SCUBE2: variants seen among roughly 807,000 people sequenced by gnomAD.
The protein encoded by SCUBE2 is signal peptide, CUB and EGF-like domain-containing protein 2.
In SCUBE2, 114 loss-of-function variants were observed where a neutral mutation model predicts 125.9. The observed-to-expected ratio is 0.91, with a 90% confidence interval of 0.78 to 1.06. The LOEUF is 1.06. SCUBE2 is among the 50% of genes least tolerant of loss of function. The pLI, the probability that SCUBE2 is intolerant of heterozygous loss-of-function variation, is 0.00. For missense variants in SCUBE2, 1,255 were observed against 1,301.8 expected (o/e 0.96, Z 0.55); for synonymous variants, 459 against 492.9 (o/e 0.93, Z 0.91).
chr11:9,029,066 G>T (rs946321258), intron 19 of SCUBE2, among the ~76,000 whole-genome samples: 1 of 152,012 alleles, frequency 6.6e-6, no homozygotes, highest in Non-Finnish European at 1.5e-5. Context: ...TTTAGGGGGG[G>T]CCTCCTTGCT....
intron 21 of SCUBE2, 90 bp downstream of exon 21, chr11:9,025,610 ATG>A (rs1478558727): frequency 1.4e-6 from 2 of 1,474,338 alleles, no homozygotes; most frequent in Non-Finnish European, 1.8e-6. Flanking sequence ...CTTTCTGAGC[ATG>A]TGTGCTTGTC....
intron 16 of SCUBE2, among the ~76,000 whole-genome samples, chr11:9,042,988 T>G (rs537641724): frequency 6.6e-6 from 1 of 152,314 alleles, no homozygotes; most frequent in South Asian, 2.1e-4. Flanking sequence ...CAGAGAGATC[T>G]TTCTAGAATA....
At chr11:9,082,735 T>C (rs1861744216) in intron 2 of SCUBE2, among the ~76,000 whole-genome samples, 1 of 152,220 alleles carries the variant, frequency 6.6e-6, no homozygotes, top group Non-Finnish European at 1.5e-5. Flanking sequence ...GACCGCATAT[T>C]GTATGATTCC....
intron 4 of SCUBE2, among the ~76,000 whole-genome samples, chr11:9,071,039 C>G (rs1407743764): frequency 1.3e-5 from 2 of 152,192 alleles, no homozygotes; most frequent in Non-Finnish European, 2.9e-5. Flanking sequence ...ATTTGCACCC[C>G]AGTACTGAGA....
chr11:9,042,311 A>T (rs1488117066), intron 16 of SCUBE2, among the ~76,000 whole-genome samples: 1 of 152,058 alleles, frequency 6.6e-6, no homozygotes, highest in South Asian at 2.1e-4. Context: ...CTTCGTCCCC[A>T]TGGCATGAAT....
chr11:9,089,670 C>T, intron 2 of SCUBE2, 37 bp downstream of exon 2: 1 of 1,607,226 alleles, frequency 6.2e-7, no homozygotes, highest in Non-Finnish European at 8.5e-7. Context: ...GTAGGAGCTT[C>T]CCTACAGTCC....
intron 16 of SCUBE2, among the ~76,000 whole-genome samples, chr11:9,046,046 G>A (rs1001035403): frequency 4.8e-5 from 6 of 125,678 alleles, no homozygotes; most frequent in African/African-American, 9.1e-5. Flanking sequence ...TTGCTCTGTC[G>A]CCCAGGCTGG....
intron 4 of SCUBE2, among the ~76,000 whole-genome samples, chr11:9,071,782 G>A (rs569846045): frequency 9.2e-5 from 14 of 152,298 alleles, no homozygotes; most frequent in African/African-American, 2.4e-4. Context: ...TGAAAGCACA[G>A]CCTCCACTTT....
At chr11:9,043,349 T>C (rs1857413592) in intron 16 of SCUBE2, among the ~76,000 whole-genome samples, 1 of 152,200 alleles carries the variant, frequency 6.6e-6, no homozygotes, top group Non-Finnish European at 1.5e-5. Flanking sequence ...TTAGCTGGTA[T>C]TATGAAAGTA....
intron 3 of SCUBE2, 46 bp downstream of exon 3, chr11:9,079,338 G>T (rs1441430038): frequency 6.2e-6 from 10 of 1,611,270 alleles, no homozygotes; most frequent in Non-Finnish European, 8.5e-6. Context: ...GAAAGAAAGG[G>T]GTGGGAGAGT....
intron 17 of SCUBE2, among the ~76,000 whole-genome samples, chr11:9,033,370 C>T (rs775256665): frequency 1.3e-5 from 2 of 152,192 alleles, no homozygotes; most frequent in South Asian, 2.1e-4. Flanking sequence ...GAAGAAAGCA[C>T]GCAGTTTCAA....
At chr11:9,045,110 G>A (rs1044422161) in intron 16 of SCUBE2, among the ~76,000 whole-genome samples, 3 of 152,080 alleles carry the variant, frequency 2.0e-5, no homozygotes, top group Non-Finnish European at 2.9e-5. Context: ...AGATGTTTGC[G>A]TGTTTCTTTA....
intron 5 of SCUBE2, among the ~76,000 whole-genome samples, chr11:9,068,767 C>T (rs1377922385): frequency 6.6e-6 from 1 of 152,222 alleles, no homozygotes; most frequent in East Asian, 1.9e-4. Context: ...TAATACTGAG[C>T]TCACAGTGCA....
chr11:9,025,880 G>A, intron 20 of SCUBE2, 26 bp from the exon 21 acceptor site: 3 of 1,609,906 alleles, frequency 1.9e-6, no homozygotes, highest in South Asian at 1.1e-5. Flanking sequence ...GGAGAAGGGT[G>A]GGGTTCAAGA....
At chr11:9,028,428 G>A (rs1252750379) in intron 19 of SCUBE2, among the ~76,000 whole-genome samples, 1 of 152,182 alleles carries the variant, frequency 6.6e-6, no homozygotes, top group Non-Finnish European at 1.5e-5. Context: ...AAAGACAGAG[G>A]CTGCACACAT....
chr11:9,074,066 C>A (rs899181642), intron 4 of SCUBE2, among the ~76,000 whole-genome samples: 7 of 152,170 alleles, frequency 4.6e-5, no homozygotes, highest in Admixed American at 1.3e-4. Flanking sequence ...CATTGAAAGT[C>A]TGCATGGGAA....
chr11:9,040,050 G>A (rs1857077831), intron 16 of SCUBE2, among the ~76,000 whole-genome samples: 1 of 152,026 alleles, frequency 6.6e-6, no homozygotes, highest in Non-Finnish European at 1.5e-5. Context: ...CAGCAGCCAC[G>A]CGCGTCCGCA....
At chr11:9,056,630 C>T (rs371004914) in intron 9 of SCUBE2, among the ~76,000 whole-genome samples, 25 of 152,164 alleles carry the variant, frequency 1.6e-4, no homozygotes, top group Non-Finnish European at 3.1e-4. Context: ...TTGGCTGCAG[C>T]GGGGGTCATG....
chr11:9,029,459 G>A (rs556260116), intron 19 of SCUBE2, among the ~76,000 whole-genome samples: 5 of 152,228 alleles, frequency 3.3e-5, no homozygotes, highest in South Asian at 2.1e-4. Flanking sequence ...CTCATCTCTC[G>A]AGACAGAGTC....
Sources: allele counts gnomAD v4.1 joint callset (sites outside exome capture counted in the v4.1 genomes callset), GRCh38; gene constraint gnomAD v4.1.1; transcripts MANE v1.5; gene names NCBI Gene and HGNC (gene_info 2026-07-23, HGNC 2026-07-21).